TTC28: variants seen among roughly 807,000 people sequenced by gnomAD.
TTC28 encodes the protein tetratricopeptide repeat domain 28.
A neutral mutation model predicts 198.0 loss-of-function variants in TTC28; 61 were observed. The ratio of observed to expected loss-of-function variants is 0.31; its 90% CI spans 0.25 to 0.38. The LOEUF (loss-of-function observed/expected upper bound fraction) is 0.38, where lower values mean the gene tolerates loss of function less well. Ranked by LOEUF, TTC28 falls within the 10% of genes least tolerant of loss-of-function variation. TTC28 has a pLI of 1.00. For missense variants in TTC28, 2,678 were observed against 3,164.0 expected (o/e 0.85, Z 3.69); for synonymous variants, 1,171 against 1,297.8 (o/e 0.90, Z 2.10).
At chr22:28,129,899 C>A (rs1943017966) in intron 6 of TTC28, among the ~76,000 whole-genome samples, 1 of 152,150 alleles carries the variant, frequency 6.6e-6, no homozygotes, top group African/African-American at 2.4e-5. Flanking sequence ...AAGGGAGAGT[C>A]TGAATTTCTA....
chr22:28,181,084 C>T (rs748488573), intron 5 of TTC28, among the ~76,000 whole-genome samples: 1 of 152,206 alleles, frequency 6.6e-6, no homozygotes, highest in Non-Finnish European at 1.5e-5. Flanking sequence ...ATAGTTACAG[C>T]TTCTCCATGG....
chr22:28,456,818 C>T (rs1217531344), intron 2 of TTC28, among the ~76,000 whole-genome samples: 1 of 152,196 alleles, frequency 6.6e-6, no homozygotes, highest in Non-Finnish European at 1.5e-5. Context: ...TCGTGATCCG[C>T]CCACCTCGGC....
intron 2 of TTC28, among the ~76,000 whole-genome samples, chr22:28,335,554 G>A (rs542201895): frequency 2.0e-5 from 3 of 152,196 alleles, no homozygotes; most frequent in Non-Finnish European, 4.4e-5. Context: ...GGTCTTTCAT[G>A]TCCCTTGTAA....
chr22:28,447,928 T>G (rs988538159), intron 2 of TTC28, among the ~76,000 whole-genome samples: 2 of 152,178 alleles, frequency 1.3e-5, no homozygotes, highest in African/African-American at 2.4e-5. Context: ...ACCTAAAGCC[T>G]TTAAATACCC....
chr22:28,579,476 ATTATATATAGTTATATGTATAG>A (rs919698549), intron 2 of TTC28, among the ~76,000 whole-genome samples: 6 of 148,580 alleles, frequency 4.0e-5, no homozygotes, highest in Admixed American at 6.8e-5. Context: ...CATATTACTA[ATTATATATAGTTATATGTATAG>A]TTATATATAG....
chr22:28,618,663 C>T (rs1359295647), intron 2 of TTC28, among the ~76,000 whole-genome samples: 1 of 121,068 alleles, frequency 8.3e-6, no homozygotes, highest in East Asian at 2.3e-4. Context: ...GCCTGGGTGA[C>T]AGAGCAAGAC....
At chr22:28,426,555 T>G (rs920635377) in intron 2 of TTC28, among the ~76,000 whole-genome samples, 1 of 152,168 alleles carries the variant, frequency 6.6e-6, no homozygotes, top group African/African-American at 2.4e-5. Flanking sequence ...TTCCCAAGTT[T>G]CTTACTTCCT....
chr22:28,209,041 T>A (rs1271072221), intron 5 of TTC28, among the ~76,000 whole-genome samples: 1 of 152,220 alleles, frequency 6.6e-6, no homozygotes, highest in East Asian at 1.9e-4. Context: ...CAAACAGCCT[T>A]AGCATACATC....
At chr22:28,557,765 T>TA (rs1467066703) in intron 2 of TTC28, among the ~76,000 whole-genome samples, 1 of 152,166 alleles carries the variant, frequency 6.6e-6, no homozygotes, top group Non-Finnish European at 1.5e-5. Context: ...TCCTAGGTGG[T>TA]AAATGAAGAA....
intron 5 of TTC28, among the ~76,000 whole-genome samples, chr22:28,218,256 T>C (rs1234298505): frequency 1.3e-5 from 2 of 152,232 alleles, no homozygotes; most frequent in Non-Finnish European, 2.9e-5. Context: ...GCATTGGCTA[T>C]TGGAAAATAT....
intron 2 of TTC28, among the ~76,000 whole-genome samples, chr22:28,606,246 G>T (rs1045522315): frequency 6.6e-6 from 1 of 151,876 alleles, no homozygotes; most frequent in Admixed American, 6.6e-5. Context: ...ATCATGCATG[G>T]CTTTTTCTTT....
At chr22:28,018,301 GCGCGC>G (rs1235333663) in intron 13 of TTC28, among the ~76,000 whole-genome samples, 21 of 100,940 alleles carry the variant, frequency 2.1e-4, no homozygotes, top group Admixed American at 1.6e-3. Context: ...GCGTGTGTGC[GCGCGC>G]GGGGGGGGGG....
chr22:28,030,219 C>T lies in TTC28; in HGVS notation c.4073+7G>A. 1 of 1,551,536 alleles carries T rather than the reference C, an allele frequency of 6.4e-7. No individual in the cohort carries two copies. Among genetic ancestry groups the T allele is most frequent in the Non-Finnish European group, 8.7e-7 (1 of 1,146,944 alleles). ...CACTGGGCCTGGGGAAAGCGCCCCA[C>T]ACTCACCTGTTAAACAGGTTATTGC... On this transcript the variant is annotated splice_region_variant and intron_variant, in intron 13 of 22. Coordinates refer to ENST00000397906, the MANE Select transcript of TTC28 (RefSeq NM_001145418.2).
At position 28,459,477 on chromosome 22, in the gene TTC28, G is replaced by A. The variant is rs1421257642; in HGVS notation, c.382-152834C>T. Among the ~76,000 whole-genome samples the A allele has an allele frequency of 2.6e-5, 4 of 152,030 alleles. No individual in the cohort carries two copies. The East Asian group carries it at 5.8e-4, about 22-fold the overall frequency. On this transcript the variant is annotated intron_variant, in intron 2 of 22. Coordinates refer to ENST00000397906, the MANE Select transcript of TTC28 (RefSeq NM_001145418.2). ...AAGAAAAAGAAGGCCTGAGGAAGGTGCATAGAAGCAGGCAGAAACTGCCTT... is the reference window on the plus strand; with the variant it reads ...AAGAAAAAGAAGGCCTGAGGAAGGTACATAGAAGCAGGCAGAAACTGCCTT...
chr22:27,993,370 C>G lies in TTC28; in HGVS notation c.5393G>C (p.Gly1798Ala). 1 of 1,550,980 alleles carries G rather than the reference C, an allele frequency of 6.4e-7. No individual in the cohort carries two copies. The highest frequency in any genetic ancestry group is 8.7e-7 in the Non-Finnish European group (1 of 1,146,958). Residue 1798 changes from glycine (G) to alanine (A), a missense_variant, in exon 18 of 23, where the codon GGC becomes GCC. Transcript: ENST00000397906. ...TGGGAAGAAGACAGCCGCTGGCAGG[C>G]CACTGGTTGGGGGGTCCAGCCGGAA... ...VGFRLDPPTS[G>A]LPAAVFFPTS...
At chr22:28,191,469 C>T (rs1392020412) in intron 5 of TTC28, among the ~76,000 whole-genome samples, 1 of 152,164 alleles carries the variant, frequency 6.6e-6, no homozygotes, top group South Asian at 2.1e-4. Context: ...GCGCACCGAG[C>T]GTAAGCGGAG....
intron 5 of TTC28, among the ~76,000 whole-genome samples, chr22:28,249,848 C>T: frequency 6.6e-6 from 1 of 152,202 alleles, no homozygotes. Context: ...AGTTCTGAGA[C>T]ATTACCTCAG....
rs73432214 is a variant in TTC28 at position 28,641,970 on chromosome 22, T to C, written c.103-12140A>G. Among the ~76,000 whole-genome samples the C allele has an allele frequency of 2.0e-3, 298 of 152,258 alleles. 1 individual carries two copies. The highest frequency in any genetic ancestry group is 6.5e-3 in the African/African-American group (269 of 41,558). On this transcript the variant is annotated intron_variant, in intron 1 of 22. Transcript: ENST00000397906. ...GTATAAATTACCCATTCTGATTCAA[T>C]AGGTTTGGAACAGGGCTTGAGATTC...
intron 6 of TTC28, among the ~76,000 whole-genome samples, chr22:28,155,633 G>A (rs1288427268): frequency 1.3e-5 from 2 of 152,222 alleles, no homozygotes; most frequent in Admixed American, 6.5e-5. Flanking sequence ...GGAATTATAT[G>A]TGGAGGAAAG....
Sources: allele counts gnomAD v4.1 joint callset (sites outside exome capture counted in the v4.1 genomes callset), GRCh38; gene constraint gnomAD v4.1.1; transcripts MANE v1.5; gene names NCBI Gene and HGNC (gene_info 2026-07-23, HGNC 2026-07-21).